Variants in WASF2 observed in about 807,000 individuals in gnomAD.
WASF2 encodes the protein actin-binding protein WASF2.
WASF2 carries 14 observed loss-of-function variants against 45.0 expected under a neutral mutation model. The observed-to-expected ratio is 0.31, with a 90% CI of 0.21 to 0.49. The LOEUF is 0.49. Among genes scored for constraint, WASF2 ranks in the 20% least tolerant of loss-of-function variants. The pLI is 0.99. For missense variants in WASF2, 439 were observed against 636.1 expected, an observed-to-expected ratio of 0.69 and a Z score of 3.33; for synonymous variants, 200 against 236.3, an observed-to-expected ratio of 0.85 and a Z score of 1.41.
chr1:27,441,497 T>C (rs2148119161), intron 1 of WASF2, among the ~76,000 whole-genome samples: 1 of 152,024 alleles, frequency 6.6e-6, no homozygotes, highest in Admixed American at 6.5e-5. Context: ...CTCACGCCTG[T>C]AATCCCAGCA....
intron 1 of WASF2, among the ~76,000 whole-genome samples, chr1:27,483,499 G>T (rs2017881269): frequency 6.6e-6 from 1 of 152,014 alleles, no homozygotes; most frequent in Non-Finnish European, 1.5e-5. Flanking sequence ...AGCCAGGCAT[G>T]GTGGCACGCA....
rs2016805136 is a variant in WASF2 at position 27,414,690 on chromosome 1, T to C, written c.668+143A>G. ...TTTTCATCACCAGATGGATGCACTT[T>C]AAAGTAGCTGATTAACAGTGGTATT... On this transcript the variant is annotated intron_variant, in intron 6 of 8. Transcript: ENST00000618852. The surrounding 1 kb of genome is among the most constrained non-coding windows in gnomAD (Gnocchi z 4.1). The C allele has an allele frequency of 3.5e-6, 4 of 1,137,996 alleles. No individual in the cohort carries two copies. Among genetic ancestry groups the C allele is most frequent in the Admixed American group, 2.5e-5 (1 of 40,122 alleles). The allele number at this position is 1,137,996 out of a possible 1,614,324, so 70.5% of individuals were successfully genotyped here.
intron 1 of WASF2, among the ~76,000 whole-genome samples, chr1:27,456,316 T>TA (rs61319408): frequency 7.3e-5 from 7 of 95,306 alleles, no homozygotes; most frequent in African/African-American, 2.9e-4. Context: ...AGCGAGACTC[T>TA]AAAAAAAAAA....
rs772018588 is a variant in WASF2, at chr1:27,410,058, G to C, written c.973C>G (p.Pro325Ala). 1 of 1,613,358 alleles carries C rather than the reference G, an allele frequency of 6.2e-7. No homozygotes were observed. Among genetic ancestry groups the C allele is most frequent in the East Asian group, 2.2e-5 (1 of 44,862 alleles). The change falls in exon 8 of 9, where the codon CCT (proline) becomes GCT (alanine). Residue 325 changes from proline to alanine, a missense_variant. Pro to Ala is a conservative substitution (Grantham distance 27). Around this residue, in one of 5 missense-constraint regions of WASF2, gnomAD observed 286 missense variants for 373.5 expected, o/e 0.77. Transcript: ENST00000618852. This position sits in a 1 kb window ranked among gnomAD's most constrained non-coding sequence, Gnocchi z 4.2. The stretch of plus-strand genomic sequence containing the variant: ...GGGATGCCTATCATTGGAGGCGGAG[G>C]TGGCGGAGGGGCAGGTGGTGGAGCA... ...GFAPPPAPPP[P>A]PPPMIGIPPP...
intron 1 of WASF2, among the ~76,000 whole-genome samples, chr1:27,469,966 G>A (rs551278513): frequency 5.1e-4 from 77 of 152,120 alleles, no homozygotes; most frequent in African/African-American, 1.8e-3. Context: ...GTGAAGTTAC[G>A]GTTTAAGTAT....
At chr1:27,463,159 A>G (rs2017569696) in intron 1 of WASF2, among the ~76,000 whole-genome samples, 1 of 152,228 alleles carries the variant, frequency 6.6e-6, no homozygotes, top group Non-Finnish European at 1.5e-5. Flanking sequence ...CATATAAGGT[A>G]AAACTGTCAG....
chr1:27,410,327 A>T lies in WASF2; in HGVS notation c.825-121T>A. On this transcript the variant is annotated intron_variant, in intron 7 of 8. Transcript: ENST00000618852. The surrounding 1 kb of genome is among the most constrained non-coding windows in gnomAD (Gnocchi z 4.2). Reference sequence around the variant, plus strand: ...TGACTATACCATTTCACTTTCACTTAAACAGAAAGAAAAGCCTACAGATGG... The same window carrying T: ...TGACTATACCATTTCACTTTCACTTTAACAGAAAGAAAAGCCTACAGATGG... 1 of 1,469,816 alleles carries T rather than the reference A, an allele frequency of 6.8e-7. No homozygotes were observed. The highest frequency in any genetic ancestry group is 1.4e-5 in the African/African-American group (1 of 71,006). 91.0% of individuals were successfully genotyped at this position (1,469,816 alleles called of 1,614,324 possible).
intron 1 of WASF2, among the ~76,000 whole-genome samples, chr1:27,449,450 T>A (rs1485387014): frequency 6.6e-6 from 1 of 151,138 alleles, no homozygotes; most frequent in African/African-American, 2.5e-5. Flanking sequence ...AATACAAAAA[T>A]TAGCTGGGCA....
intron 1 of WASF2, among the ~76,000 whole-genome samples, chr1:27,483,191 C>T (rs907826489): frequency 2.9e-4 from 44 of 152,178 alleles, no homozygotes; most frequent in Admixed American, 5.9e-4. Flanking sequence ...AAAATTAGGC[C>T]GGGCGTGGTG....
intron 3 of WASF2, 143 bp from the exon 4 acceptor site, chr1:27,418,565 G>A (rs980834799): frequency 1.1e-5 from 13 of 1,169,712 alleles, no homozygotes; most frequent in South Asian, 1.5e-5. Flanking sequence ...CTCCCCCTCT[G>A]GGGAAGCCCC....
At chr1:27,489,283 CACACACAG>C (rs2017993435) in intron 1 of WASF2, among the ~76,000 whole-genome samples, 3 of 141,454 alleles carry the variant, frequency 2.1e-5, no homozygotes, top group Non-Finnish European at 4.7e-5. Flanking sequence ...CACACACACA[CACACACAG>C]TGTCCTCCTC....
chr1:27,436,971 C>T (rs2017146187), intron 1 of WASF2, among the ~76,000 whole-genome samples: 1 of 152,164 alleles, frequency 6.6e-6, no homozygotes, highest in Non-Finnish European at 1.5e-5. Context: ...TACTTCTTGT[C>T]TTGATATGGC....
At chr1:27,433,252 C>T (rs970178249) in intron 1 of WASF2, among the ~76,000 whole-genome samples, 2 of 152,168 alleles carry the variant, frequency 1.3e-5, no homozygotes, top group Admixed American at 6.5e-5. Flanking sequence ...TTCTTCCAGT[C>T]TTTCATAACT....
intron 2 of WASF2, 98 bp downstream of exon 2, chr1:27,428,659 AAGGC>A (rs1469847422): frequency 6.3e-7 from 1 of 1,580,074 alleles, no homozygotes; most frequent in East Asian, 2.3e-5. Flanking sequence ...TTACCTAGGG[AAGGC>A]AGATGGGGGA....
At chr1:27,483,771 T>C (rs953403381) in intron 1 of WASF2, among the ~76,000 whole-genome samples, 5 of 151,756 alleles carry the variant, frequency 3.3e-5, no homozygotes, top group Admixed American at 6.6e-5. Flanking sequence ...CTGGGCAACA[T>C]AGTTAGACCT....
intron 5 of WASF2, among the ~76,000 whole-genome samples, chr1:27,415,499 AG>A (rs1398713811): frequency 6.6e-6 from 1 of 152,246 alleles, no homozygotes; most frequent in Non-Finnish European, 1.5e-5. Context: ...CATACATACC[AG>A]GAAGAGTCTA....
Position 27,404,422 on chromosome 1 carries a change from T to C in WASF2, c.*3767A>G, listed in dbSNP as rs1329697454. ...AAAAAATTGGATGTCTTTCTGAGGGTCTGAGAAGAATAGGGCAGAAGAGGA... is the reference window on the plus strand; with the variant it reads ...AAAAAATTGGATGTCTTTCTGAGGGCCTGAGAAGAATAGGGCAGAAGAGGA... On this transcript the variant is annotated 3_prime_UTR_variant, in exon 9 of 9. Transcript: ENST00000618852. 6.6e-6 allele frequency: 1 copy of C among 152,028 alleles called. No individual in the cohort carries two copies. Among genetic ancestry groups the C allele is most frequent in the East Asian group, 1.9e-4 (1 of 5,178 alleles). 9.4% of individuals were successfully genotyped at this position (152,028 alleles called of 1,614,324 possible).
At chr1:27,478,811 C>T (rs1328547023) in intron 1 of WASF2, among the ~76,000 whole-genome samples, 5 of 151,774 alleles carry the variant, frequency 3.3e-5, no homozygotes, top group African/African-American at 9.7e-5. Flanking sequence ...CTCCAATTCC[C>T]GACCTCAGGT....
chr1:27,410,691 C>T lies in WASF2; in HGVS notation c.825-485G>A, dbSNP rs1454087567. ...TTCTCAGGCTATTAACATTCACCAG[C>T]ATTGGAGAGGGCAGGAAACCCAAGC... On this transcript the variant is annotated intron_variant, in intron 7 of 8. Coordinates refer to ENST00000618852, the MANE Select transcript of WASF2 (RefSeq NM_006990.5). This position sits in a 1 kb window ranked among gnomAD's most constrained non-coding sequence, Gnocchi z 4.2. Among the ~76,000 whole-genome samples the T allele has an allele frequency of 1.3e-5, 2 of 152,226 alleles. No individual in the cohort carries two copies. The highest frequency in any genetic ancestry group is 3.8e-4 in the East Asian group (2 of 5,202).
Sources: allele counts gnomAD v4.1 joint callset (sites outside exome capture counted in the v4.1 genomes callset), GRCh38; gene constraint gnomAD v4.1.1; regional missense constraint gnomAD v4.1.1; non-coding constraint Gnocchi (gnomAD v3.1); transcripts MANE v1.5; gene names NCBI Gene and HGNC (gene_info 2026-07-23, HGNC 2026-07-21).